The following ADAMTSL3 variants were observed in gnomAD, a reference collection of about 807,000 sequenced individuals.
The protein encoded by ADAMTSL3 is ADAMTS like 3.
A neutral mutation model predicts 201.7 loss-of-function variants in ADAMTSL3; 128 were observed. That is an observed-to-expected ratio of 0.63 (90% CI 0.55 to 0.73). The LOEUF is 0.73. Among genes scored for constraint, ADAMTSL3 ranks in the 30% least tolerant of loss-of-function variants. The pLI is 0.00. For missense variants in ADAMTSL3, 1,990 were observed against 2,119.6 expected, an observed-to-expected ratio of 0.94 and a Z score of 1.20; for synonymous variants, 738 against 748.4, an observed-to-expected ratio of 0.99 and a Z score of 0.23.
rs148167427 is a variant in ADAMTSL3 at position 83,982,500 on chromosome 15, C to G, written c.2872C>G (p.Arg958Gly). 3 of 1,614,202 alleles carry G rather than the reference C, an allele frequency of 1.9e-6. No individual in the cohort carries two copies. In the South Asian group the frequency reaches 3.3e-5, roughly 18 times the overall value. The change falls in exon 21 of 30, where the codon CGG (arginine) becomes GGG (glycine). Residue 958 changes from arginine to glycine, a missense_variant. Arg to Gly is a moderately radical substitution (Grantham distance 125). Coordinates refer to ENST00000286744, the MANE Select transcript of ADAMTSL3 (RefSeq NM_207517.3). Reference sequence around the variant, plus strand: ...TGGCCGTTGCCTGCAGAACTCCAAACGGCTTGGCATCACCAAGTCAGGCTC... The same window carrying G: ...TGGCCGTTGCCTGCAGAACTCCAAAGGGCTTGGCATCACCAAGTCAGGCTC... ...KDGRCLQNSK[R>G]LGITKSGSLK...
In ADAMTSL3 at chr15:83,981,684, A is replaced by G. The variant is rs76000868; in HGVS notation, c.2645-589A>G. On this transcript the variant is annotated intron_variant, in intron 20 of 29. Coordinates refer to ENST00000286744, the MANE Select transcript of ADAMTSL3 (RefSeq NM_207517.3). ...CTACCCATTGCTTCTTCAGACCCCC[A>G]TGCCAATTTAATCGACATATTTGGG... is the stretch of plus-strand genomic sequence containing the variant. Among the ~76,000 whole-genome samples, 1,260 of 152,272 alleles carry G rather than the reference A, an allele frequency of 8.3e-3. 15 individuals carry two copies. Among genetic ancestry groups the G allele is most frequent in the African/African-American group, 0.028 (1,182 of 41,542 alleles).
intron 3 of ADAMTSL3, among the ~76,000 whole-genome samples, chr15:83,763,503 A>C (rs1486804577): frequency 1.4e-5 from 2 of 147,670 alleles, no homozygotes; most frequent in African/African-American, 2.5e-5. Flanking sequence ...TTAACAAATA[A>C]TTCTTTTTTT....
intron 2 of ADAMTSL3, among the ~76,000 whole-genome samples, chr15:83,665,603 A>G (rs73450476): frequency 2.7e-4 from 41 of 152,354 alleles, no homozygotes; most frequent in African/African-American, 8.7e-4. Flanking sequence ...TTAAAGCACC[A>G]AAGCTAACAT....
chr15:83,655,698 G>A, intron 1 of ADAMTSL3, 31 bp from the exon 2 acceptor site: 1 of 1,530,722 alleles, frequency 6.5e-7, no homozygotes, highest in Non-Finnish European at 9.0e-7. Context: ...GGCCAGAGCT[G>A]GTTGGTAATG....
At chr15:83,696,038 G>A (rs1029905454) in intron 2 of ADAMTSL3, among the ~76,000 whole-genome samples, 4 of 152,154 alleles carry the variant, frequency 2.6e-5, no homozygotes, top group African/African-American at 9.7e-5. Context: ...CCAGGCCAGG[G>A]GGAATAGCCC....
chr15:83,782,943 A>G (rs1034932466), intron 4 of ADAMTSL3, among the ~76,000 whole-genome samples: 1 of 147,756 alleles, frequency 6.8e-6, no homozygotes, highest in Non-Finnish European at 1.5e-5. Context: ...ATGTATATAT[A>G]CACACATATA....
chr15:83,720,126 G>T (rs984901247), intron 3 of ADAMTSL3, among the ~76,000 whole-genome samples: 2 of 152,166 alleles, frequency 1.3e-5, no homozygotes, highest in East Asian at 3.8e-4. Flanking sequence ...GGCTTAGGCA[G>T]GAGAATCACT....
intron 19 of ADAMTSL3, among the ~76,000 whole-genome samples, chr15:83,952,485 G>C (rs776014588): frequency 3.3e-5 from 5 of 152,118 alleles, no homozygotes; most frequent in Non-Finnish European, 7.4e-5. Context: ...TAAATTGGAT[G>C]GTTCTTTGTT....
intron 6 of ADAMTSL3, among the ~76,000 whole-genome samples, chr15:83,837,255 G>A (rs2064292496): frequency 6.6e-6 from 1 of 150,676 alleles, no homozygotes; most frequent in Admixed American, 6.6e-5. Context: ...AAGACAAGGA[G>A]ATATAAAGAT....
At position 83,991,165 on chromosome 15, in the gene ADAMTSL3, C is replaced by T. The variant is rs767778611; in HGVS notation, c.3924C>T (p.Ile1308=). 9 of 1,614,152 alleles carry T rather than the reference C, an allele frequency of 5.6e-6. No homozygotes were observed. In the African/African-American group the frequency reaches 6.7e-5, roughly 12 times the overall value. Residue 1308 remains isoleucine (I), a synonymous_variant, in exon 23 of 30, where the codon ATC becomes ATT. Transcript: ENST00000286744. ...ATCTGTCTGTTGTGGTTGGAGGCAT[C>T]GTGGAGGCAGCCCTTGGAGCAAACG... ...HNHLSVVVGG[I]VEAALGANVT... is the part of the protein sequence containing the mutation.
At chr15:84,003,049 C>T (rs1439470972) in intron 23 of ADAMTSL3, among the ~76,000 whole-genome samples, 1 of 150,834 alleles carries the variant, frequency 6.6e-6, no homozygotes, top group African/African-American at 2.4e-5. Flanking sequence ...CCTCAAACTC[C>T]TGTGCTAAGG....
chr15:83,956,610 C>G (rs1370013640), intron 19 of ADAMTSL3, among the ~76,000 whole-genome samples: 1 of 151,862 alleles, frequency 6.6e-6, no homozygotes, highest in Non-Finnish European at 1.5e-5. Flanking sequence ...CAAAATATGC[C>G]CAGTGGATTC....
chr15:83,917,327 T>C (rs150415088), intron 16 of ADAMTSL3, among the ~76,000 whole-genome samples: 3 of 152,342 alleles, frequency 2.0e-5, no homozygotes, highest in African/African-American at 7.2e-5. Flanking sequence ...TGCATAGGTC[T>C]CTTTTCACAT....
chr15:83,882,178 A>G (rs1418435146), intron 9 of ADAMTSL3, among the ~76,000 whole-genome samples: 1 of 152,160 alleles, frequency 6.6e-6, no homozygotes, highest in African/African-American at 2.4e-5. Context: ...AAAGAAAGAA[A>G]AAAGACAGAA....
At chr15:83,665,269 C>T (rs980181286) in intron 2 of ADAMTSL3, among the ~76,000 whole-genome samples, 1 of 152,040 alleles carries the variant, frequency 6.6e-6, no homozygotes, top group Non-Finnish European at 1.5e-5. Flanking sequence ...GTGTTAGGGA[C>T]ACGTGAGGGT....
intron 3 of ADAMTSL3, among the ~76,000 whole-genome samples, chr15:83,719,153 G>C (rs190696857): frequency 6.6e-6 from 1 of 152,082 alleles, no homozygotes; most frequent in African/African-American, 2.4e-5. Context: ...GGTGCTTCTC[G>C]ACCTCCCGAA....
chr15:83,986,987 CTCAGCT>C (rs2067492017), intron 21 of ADAMTSL3, among the ~76,000 whole-genome samples: 1 of 152,204 alleles, frequency 6.6e-6, no homozygotes, highest in Non-Finnish European at 1.5e-5. Context: ...TTCACGCATG[CTCAGCT>C]ATTTCTGATC....
chr15:83,663,199 C>T (rs1567057517), intron 2 of ADAMTSL3, among the ~76,000 whole-genome samples: 2 of 152,222 alleles, frequency 1.3e-5, no homozygotes, highest in South Asian at 2.1e-4. Flanking sequence ...CTTCAGTTCT[C>T]CTTTCCTTGT....
intron 22 of ADAMTSL3, among the ~76,000 whole-genome samples, chr15:83,989,466 A>C (rs2067545412): frequency 6.6e-6 from 1 of 152,192 alleles, no homozygotes; most frequent in Admixed American, 6.5e-5. Context: ...GATATTAATG[A>C]ACTTTGCATT....
Sources: gnomAD v4.1 joint callset for allele counts (sites outside exome capture counted in the v4.1 genomes callset) on GRCh38, gnomAD v4.1.1 for gene constraint, MANE v1.5 for transcripts, NCBI Gene and HGNC (gene_info 2026-07-23, HGNC 2026-07-21) for gene names.